The following KDM4C variants were observed in gnomAD, a reference collection of about 807,000 sequenced individuals.
KDM4C encodes lysine demethylase 4C.
Under a neutral mutation model 129.3 loss-of-function variants are expected in KDM4C, and 81 were observed. The ratio of observed to expected loss-of-function variants is 0.63; its 90% CI spans 0.52 to 0.75. The LOEUF (loss-of-function observed/expected upper bound fraction) is 0.75, where lower values mean the gene tolerates loss of function less well. KDM4C is among the 30% of genes least tolerant of loss of function. The pLI is 0.00. For missense variants in KDM4C, 1,457 were observed against 1,304.0 expected (o/e 1.12, Z -1.81); for synonymous variants, 573 against 456.1 (o/e 1.26, Z -3.26).
intron 15 of KDM4C, among the ~76,000 whole-genome samples, chr9:7,046,639 C>T (rs1829439022): frequency 6.6e-6 from 1 of 151,918 alleles, no homozygotes; most frequent in African/African-American, 2.4e-5. Context: ...CATGATGGTT[C>T]CCTCTGGGAG....
chr9:7,114,570 T>G (rs1318979358), intron 18 of KDM4C, among the ~76,000 whole-genome samples: 1 of 152,164 alleles, frequency 6.6e-6, no homozygotes, highest in Non-Finnish European at 1.5e-5. Context: ...TTACCTAAAT[T>G]TTTTATTCTG....
At chr9:6,927,265 G>A (rs1822804085) in intron 8 of KDM4C, among the ~76,000 whole-genome samples, 1 of 152,050 alleles carries the variant, frequency 6.6e-6, no homozygotes, top group African/African-American at 2.4e-5. Flanking sequence ...GAGTAGTTGG[G>A]ATTACAGGCG....
At chr9:7,025,129 C>A (rs117583811) in intron 15 of KDM4C, among the ~76,000 whole-genome samples, 3,233 of 152,246 alleles carry the variant, frequency 0.021, 50 homozygotes, top group Non-Finnish European at 0.033. Flanking sequence ...TTTTTCTCTT[C>A]TTACAGTTTT....
chr9:6,964,743 C>G (rs1418503860), intron 8 of KDM4C, among the ~76,000 whole-genome samples: 2 of 142,792 alleles, frequency 1.4e-5, no homozygotes, highest in Non-Finnish European at 3.0e-5. Flanking sequence ...GATCACGCCA[C>G]TGCACTCCAG....
intron 4 of KDM4C, among the ~76,000 whole-genome samples, chr9:6,822,423 T>A (rs1404032004): frequency 6.6e-6 from 1 of 152,222 alleles, no homozygotes; most frequent in African/African-American, 2.4e-5. Flanking sequence ...GAGATTAATA[T>A]AATTGACTAC....
At chr9:7,022,518 AT>A (rs892328175) in intron 15 of KDM4C, among the ~76,000 whole-genome samples, 3 of 151,848 alleles carry the variant, frequency 2.0e-5, no homozygotes, top group Non-Finnish European at 4.4e-5. Flanking sequence ...CCTTTACTGA[AT>A]TTATCAGTTC....
chr9:6,805,464 CTTTT>C (rs373482627), intron 2 of KDM4C, 131 bp from the exon 3 acceptor site: 165 of 458,742 alleles, frequency 3.6e-4, no homozygotes, highest in African/African-American at 4.7e-4. Flanking sequence ...AAATATTCAT[CTTTT>C]TTTTTTTTTT....
At chr9:6,808,174 C>A (rs1292367841) in intron 3 of KDM4C, among the ~76,000 whole-genome samples, 24 of 62,186 alleles carry the variant, frequency 3.9e-4, no homozygotes, top group East Asian at 3.8e-3. Context: ...TGCCCGGCCA[C>A]CACCCCGTCT....
chr9:7,028,891 C>A (rs1826251916), intron 15 of KDM4C, among the ~76,000 whole-genome samples: 1 of 151,844 alleles, frequency 6.6e-6, no homozygotes. Flanking sequence ...CTCTCCTGTG[C>A]CATGTGACCG....
intron 12 of KDM4C, among the ~76,000 whole-genome samples, chr9:7,004,708 A>G (rs1488299141): frequency 6.6e-6 from 1 of 152,190 alleles, no homozygotes. Flanking sequence ...AAAGGCTTTT[A>G]TTTTCCCTAC....
rs1819815335 is a variant in KDM4C at position 6,996,679 on chromosome 9, C to G, written c.1786+6155C>G. Among the ~76,000 whole-genome samples the G allele has an allele frequency of 1.3e-5, 2 of 152,160 alleles. 1 individual carries two copies. Among genetic ancestry groups the G allele is most frequent in the South Asian group, 4.1e-4 (2 of 4,826 alleles). ...AGTGATACTCCTCTGCTCAGCGATT[C>G]CCACCATGTGCTAGTGGTGAGTATA... On this transcript the variant is annotated intron_variant, in intron 12 of 21. Transcript: ENST00000381309.
chr9:6,786,526 G>A (rs944308155), intron 1 of KDM4C, among the ~76,000 whole-genome samples: 1 of 152,144 alleles, frequency 6.6e-6, no homozygotes, highest in African/African-American at 2.4e-5. Flanking sequence ...AAGAAGGGTA[G>A]CATTTAAAAA....
At chr9:7,008,623 C>T (rs936187772) in intron 12 of KDM4C, among the ~76,000 whole-genome samples, 1 of 152,142 alleles carries the variant, frequency 6.6e-6, no homozygotes, top group Non-Finnish European at 1.5e-5. Flanking sequence ...CAGGAACATC[C>T]CTGTGGATGC....
At chr9:6,852,007 C>T (rs1838933707) in intron 5 of KDM4C, among the ~76,000 whole-genome samples, 1 of 152,112 alleles carries the variant, frequency 6.6e-6, no homozygotes, top group Admixed American at 6.6e-5. Context: ...TAACCTTGGC[C>T]ATTGTTTATA....
At chr9:7,167,647 G>A (rs1844526597) in intron 20 of KDM4C, among the ~76,000 whole-genome samples, 1 of 152,188 alleles carries the variant, frequency 6.6e-6, no homozygotes, top group East Asian at 1.9e-4. Flanking sequence ...TATTCAAAAT[G>A]CTAACAGTAC....
chr9:7,104,047 G>C, intron 18 of KDM4C, 177 bp downstream of exon 18: 1 of 604,484 alleles, frequency 1.7e-6, no homozygotes, highest in Non-Finnish European at 2.9e-6. Context: ...TATTTGCCTA[G>C]GACCTGTCAA....
In KDM4C at chr9:6,892,029, A is replaced by T. The variant is rs1311981827; in HGVS notation, c.784-1066A>T. ...TTAAAAATGTGGTTTTACAACTTTTATTATCAGAGCTAGCAGAGAATACAG... is the reference window on the plus strand; with the variant it reads ...TTAAAAATGTGGTTTTACAACTTTTTTTATCAGAGCTAGCAGAGAATACAG... On this transcript the variant is annotated intron_variant, in intron 7 of 21. Coordinates refer to ENST00000381309, the MANE Select transcript of KDM4C (RefSeq NM_015061.6). Among the ~76,000 whole-genome samples, 3 of 152,326 alleles carry T rather than the reference A, an allele frequency of 2.0e-5. No individual in the cohort carries two copies. The East Asian group carries it at 5.8e-4, about 29-fold the overall frequency.
intron 4 of KDM4C, among the ~76,000 whole-genome samples, chr9:6,841,176 T>C (rs7021536): frequency 0.015 from 2,338 of 152,184 alleles, 65 homozygotes; most frequent in African/African-American, 0.054. Context: ...GAAGTGGTAG[T>C]TCCCCCTGTG....
At chr9:6,757,750 T>G (rs1469602064), upstream of KDM4C, 37 of 985,512 alleles carry the variant, frequency 3.8e-5, no homozygotes, top group Non-Finnish European at 4.3e-5. Flanking sequence ...GTGCACCTGT[T>G]TTCTCCTTCT....
Sources: allele counts gnomAD v4.1 joint callset (sites outside exome capture counted in the v4.1 genomes callset), GRCh38; gene constraint gnomAD v4.1.1; transcripts MANE v1.5; gene names NCBI Gene and HGNC (gene_info 2026-07-23, HGNC 2026-07-21).